The following FAM184B variants were observed in gnomAD, a reference collection of about 807,000 sequenced individuals.
FAM184B encodes protein FAM184B.
A neutral mutation model predicts 135.9 loss-of-function variants in FAM184B; 111 were observed. That is an observed-to-expected ratio of 0.82 (90% CI 0.70 to 0.96). The LOEUF is 0.96. FAM184B is among the 40% of genes least tolerant of loss of function. The pLI, the probability that FAM184B is intolerant of heterozygous loss-of-function variation, is 0.00. For synonymous variants in FAM184B, 552 were observed against 524.8 expected (o/e 1.05, Z -0.71); for missense variants, 1,375 against 1,323.9 (o/e 1.04, Z -0.60).
intron 7 of FAM184B, among the ~76,000 whole-genome samples, chr4:17,667,017 T>C (rs932879818): frequency 6.6e-5 from 10 of 152,102 alleles, no homozygotes; most frequent in Admixed American, 2.6e-4. Context: ...AGAGTACAGT[T>C]GCAAAATCAT....
intron 1 of FAM184B, among the ~76,000 whole-genome samples, chr4:17,755,597 A>G (rs982000063): frequency 2.6e-5 from 4 of 152,246 alleles, no homozygotes; most frequent in African/African-American, 7.2e-5. Context: ...TATTATAAAG[A>G]TATGTACATG....
At chr4:17,745,372 C>T (rs1718136087) in intron 1 of FAM184B, among the ~76,000 whole-genome samples, 1 of 152,168 alleles carries the variant, frequency 6.6e-6, no homozygotes, top group Admixed American at 6.5e-5. Context: ...GTGATATTCA[C>T]AACAAAGCTT....
Position 17,659,914 on chromosome 4 carries a change from C to T in FAM184B, c.1824+44G>A, listed in dbSNP as rs771871944. On this transcript the variant is annotated intron_variant, in intron 9 of 17. Transcript: ENST00000265018. ...TTCCAAGTTTGTAAAAAGGAGGGGG[C>T]AGGATCTCAGGAAGGGGGCACATCC... 8 of 1,545,198 alleles carry T rather than the reference C, an allele frequency of 5.2e-6. No individual in the cohort carries two copies. In the South Asian group the frequency reaches 8.4e-5, roughly 16 times the overall value.
chr4:17,714,960 T>C (rs1164818949), intron 1 of FAM184B, among the ~76,000 whole-genome samples: 1 of 152,128 alleles, frequency 6.6e-6, no homozygotes, highest in Non-Finnish European at 1.5e-5. Flanking sequence ...GGCTGAAATC[T>C]GGTAAATGGT....
chr4:17,698,547 G>C (rs896153903), intron 5 of FAM184B, among the ~76,000 whole-genome samples: 7 of 152,128 alleles, frequency 4.6e-5, no homozygotes, highest in Admixed American at 2.0e-4. Context: ...TGATGCAGCT[G>C]AAAGAGTCAA....
At chr4:17,647,845 T>C (rs1715511101) in intron 11 of FAM184B, 54 bp from the exon 12 acceptor site, 2 of 1,509,428 alleles carry the variant, frequency 1.3e-6, no homozygotes, top group African/African-American at 1.4e-5. Context: ...CTGAAGCCTG[T>C]GTCATGGGGA....
rs1378637142 is a variant in FAM184B, at chr4:17,632,595, T to C, written c.3120A>G (p.Lys1040=). 4 of 1,551,158 alleles carry C rather than the reference T, an allele frequency of 2.6e-6. No homozygotes were observed. The African/African-American group carries it at 5.5e-5, about 21-fold the overall frequency. Residue 1040 remains lysine (K), a synonymous_variant, in exon 18 of 18, where the codon AAA becomes AAG. Coordinates refer to ENST00000265018, the MANE Select transcript of FAM184B (RefSeq NM_015688.2). Reference sequence around the variant, plus strand: ...GAGAGCCCTGTTTCTGCTGGACTTCTTTGGCTTGGGCCGTTTCACCATCTG... The same window carrying C: ...GAGAGCCCTGTTTCTGCTGGACTTCCTTGGCTTGGGCCGTTTCACCATCTG... ...RTPDGETAQA[K]EVQQKQGSPH...
At chr4:17,670,535 T>C (rs1269063899) in intron 7 of FAM184B, among the ~76,000 whole-genome samples, 1 of 152,158 alleles carries the variant, frequency 6.6e-6, no homozygotes, top group Non-Finnish European at 1.5e-5. Context: ...TTATTGACCA[T>C]GGCTATATTT....
At chr4:17,772,879 T>C (rs1387524578) in intron 1 of FAM184B, among the ~76,000 whole-genome samples, 1 of 152,214 alleles carries the variant, frequency 6.6e-6, no homozygotes, top group East Asian at 1.9e-4. Context: ...CAATGTGTGC[T>C]TCTATAGGCA....
At chr4:17,696,465 A>G (rs6816286) in intron 5 of FAM184B, among the ~76,000 whole-genome samples, 93,166 of 152,030 alleles carry the variant, frequency 0.61, 29,133 homozygotes, top group East Asian at 0.93. Flanking sequence ...GTAAATGTGG[A>G]AGCAGGGAGA....
At chr4:17,645,849 A>C (rs1393643462) in intron 12 of FAM184B, among the ~76,000 whole-genome samples, 2 of 152,208 alleles carry the variant, frequency 1.3e-5, no homozygotes, top group Non-Finnish European at 2.9e-5. Flanking sequence ...GCTAATATCC[A>C]GAATCTACAA....
chr4:17,699,378 C>T (rs755081093), intron 5 of FAM184B, among the ~76,000 whole-genome samples: 1 of 151,864 alleles, frequency 6.6e-6, no homozygotes, highest in Non-Finnish European at 1.5e-5. Flanking sequence ...AACAAAAACA[C>T]AAAGAAAATC....
Position 17,715,602 on chromosome 4 carries a change from T to C in FAM184B, c.142-5958A>G, listed in dbSNP as rs542417582. Reference sequence around the variant, plus strand: ...ACAGTGACTGTAGTTAATAACAATATACTGTATATTTGAAAATTGCTAAGA... The same window carrying C: ...ACAGTGACTGTAGTTAATAACAATACACTGTATATTTGAAAATTGCTAAGA... On this transcript the variant is annotated intron_variant, in intron 1 of 17. Coordinates refer to ENST00000265018, the MANE Select transcript of FAM184B (RefSeq NM_015688.2). 1.3e-4 allele frequency among the ~76,000 whole-genome samples: 20 copies of C among 152,266 alleles called. No individual in the cohort carries two copies. In the South Asian group the frequency reaches 3.3e-3, roughly 25 times the overall value.
intron 7 of FAM184B, among the ~76,000 whole-genome samples, chr4:17,678,372 C>T (rs1263016600): frequency 6.6e-6 from 1 of 152,038 alleles, no homozygotes. Context: ...TTCTATACAC[C>T]AACATCGACC....
At chr4:17,634,953 GA>G in intron 16 of FAM184B, 55 bp downstream of exon 16, 2 of 1,317,752 alleles carry the variant, frequency 1.5e-6, no homozygotes, top group Non-Finnish European at 1.1e-6. Flanking sequence ...TTACCTTTAA[GA>G]AAAACGAAAC....
intron 12 of FAM184B, among the ~76,000 whole-genome samples, chr4:17,644,634 C>G (rs912309163): frequency 6.6e-6 from 1 of 152,152 alleles, no homozygotes; most frequent in Non-Finnish European, 1.5e-5. Context: ...ATATCATATA[C>G]TGAATGGGCA....
intron 1 of FAM184B, among the ~76,000 whole-genome samples, chr4:17,744,448 T>TTCTC (rs1274682958): frequency 1.5e-5 from 2 of 130,626 alleles, no homozygotes; most frequent in Non-Finnish European, 1.6e-5. Context: ...GAGTCACTCA[T>TTCTC]TCTCTCTCTC....
intron 1 of FAM184B, among the ~76,000 whole-genome samples, chr4:17,765,125 G>A (rs1195978060): frequency 2.6e-5 from 4 of 152,192 alleles, no homozygotes; most frequent in Admixed American, 2.6e-4. Flanking sequence ...TGCTCCCATG[G>A]AGTTCTAGTA....
chr4:17,738,797 C>T (rs1018233185), intron 1 of FAM184B, among the ~76,000 whole-genome samples: 1 of 151,936 alleles, frequency 6.6e-6, no homozygotes, highest in East Asian at 1.9e-4. Flanking sequence ...GGATTAATAC[C>T]CCAGGTGGCG....
Sources: allele counts gnomAD v4.1 joint callset (sites outside exome capture counted in the v4.1 genomes callset), GRCh38; gene constraint gnomAD v4.1.1; transcripts MANE v1.5; gene names NCBI Gene and HGNC (gene_info 2026-07-23, HGNC 2026-07-21).